The following RASGRP3 variants were observed in gnomAD, a reference collection of about 807,000 sequenced individuals.
The protein encoded by RASGRP3 is ras guanyl-releasing protein 3.
A neutral mutation model predicts 82.7 loss-of-function variants in RASGRP3; 54 were observed. The observed-to-expected ratio is 0.65, with a 90% CI of 0.52 to 0.82. RASGRP3 has a LOEUF of 0.82. RASGRP3 is among the 40% of genes least tolerant of loss of function. RASGRP3 has a pLI of 0.00. For missense variants in RASGRP3, 861 were observed against 828.9 expected (o/e 1.04, Z -0.48); for synonymous variants, 309 against 300.5 (o/e 1.03, Z -0.29).
chr2:33,484,972 G>GCA (rs1668246938), intron 1 of RASGRP3, among the ~76,000 whole-genome samples: 2 of 152,186 alleles, frequency 1.3e-5, no homozygotes, highest in African/African-American at 4.8e-5. Context: ...GCTGAGGCAG[G>GCA]TGGATCACCT....
intron 2 of RASGRP3, among the ~76,000 whole-genome samples, chr2:33,463,445 G>A (rs1181144689): frequency 6.6e-6 from 1 of 152,138 alleles, no homozygotes; most frequent in Non-Finnish European, 1.5e-5. Flanking sequence ...AAAGAGAACT[G>A]AAAGGGGAAG....
Position 33,492,446 on chromosome 2 carries a change from T to C in RASGRP3, c.-261+15739T>C, listed in dbSNP as rs989515666. ...CAGTCCTTGGTTGAGAGCCTAGATG[T>C]GGACTGAATTTTGTACCCCCCAGCA... On this transcript the variant is annotated intron_variant, in intron 1 of 17. Transcript: ENST00000403687. Among the ~76,000 whole-genome samples the C allele has an allele frequency of 3.3e-5, 5 of 152,178 alleles. No homozygotes were observed. The East Asian group carries it at 9.6e-4, about 29-fold the overall frequency.
intron 1 of RASGRP3, among the ~76,000 whole-genome samples, chr2:33,439,889 G>C (rs571649006): frequency 6.6e-6 from 1 of 152,324 alleles, no homozygotes; most frequent in East Asian, 1.9e-4. Flanking sequence ...GGCAGAACTT[G>C]CTGGGGGAGA....
chr2:33,512,726 T>C (rs76555151), intron 2 of RASGRP3, among the ~76,000 whole-genome samples: 1 of 152,348 alleles, frequency 6.6e-6, no homozygotes, highest in African/African-American at 2.4e-5. Flanking sequence ...TTTCATGATA[T>C]TCATTTCCTC....
chr2:33,465,568 A>T (rs1010499376), intron 2 of RASGRP3, among the ~76,000 whole-genome samples: 1 of 152,228 alleles, frequency 6.6e-6, no homozygotes, highest in Non-Finnish European at 1.5e-5. Flanking sequence ...ACAAAATGAA[A>T]TCTTAAGTGC....
intron 1 of RASGRP3, among the ~76,000 whole-genome samples, chr2:33,439,189 A>G (rs933553946): frequency 6.6e-6 from 1 of 152,240 alleles, no homozygotes; most frequent in African/African-American, 2.4e-5. Context: ...CTAACTTACA[A>G]TATAATCTCT....
intron 2 of RASGRP3, among the ~76,000 whole-genome samples, chr2:33,462,594 T>C (rs1666441571): frequency 1.3e-5 from 2 of 152,072 alleles, no homozygotes; most frequent in Admixed American, 1.3e-4. Context: ...GTCAGGCTGG[T>C]TTCAAACTCC....
chr2:33,536,443 C>G (rs1035146402), intron 11 of RASGRP3, among the ~76,000 whole-genome samples: 1 of 151,912 alleles, frequency 6.6e-6, no homozygotes, highest in Non-Finnish European at 1.5e-5. Context: ...TCAGGCCTGT[C>G]TTCCATCCCA....
chr2:33,494,457 A>G (rs887770041), intron 1 of RASGRP3, among the ~76,000 whole-genome samples: 1 of 152,250 alleles, frequency 6.6e-6, no homozygotes, highest in Non-Finnish European at 1.5e-5. Context: ...TCTAAGGGCT[A>G]GAAATTATCC....
At chr2:33,533,266 GTGT>G (rs1020221393) in intron 10 of RASGRP3, 4 of 152,160 alleles carry the variant, frequency 2.6e-5, no homozygotes, top group Non-Finnish European at 5.9e-5. Context: ...GCCTGGATCT[GTGT>G]TGTTGTCCTT....
At chr2:33,534,081 C>T (rs945763064) in intron 10 of RASGRP3, 3 of 506,908 alleles carry the variant, frequency 5.9e-6, no homozygotes, top group African/African-American at 3.8e-5. Flanking sequence ...CTGGGAGCTG[C>T]TCAGTAAATA....
intron 13 of RASGRP3, among the ~76,000 whole-genome samples, chr2:33,548,136 C>T (rs1280724556): frequency 2.0e-5 from 3 of 151,814 alleles, no homozygotes; most frequent in African/African-American, 7.3e-5. Flanking sequence ...CCGAGGCGGG[C>T]GGATCACAAG....
intron 9 of RASGRP3, among the ~76,000 whole-genome samples, chr2:33,525,454 A>G (rs574287295): frequency 1.1e-4 from 17 of 152,132 alleles, no homozygotes; most frequent in Non-Finnish European, 2.5e-4. Flanking sequence ...GGAGCATTTC[A>G]TCCTTATGAA....
At position 33,487,002 on chromosome 2, in the gene RASGRP3, C is replaced by A. The variant is rs78474189; in HGVS notation, c.-261+10295C>A. Among the ~76,000 whole-genome samples, 75 of 152,190 alleles carry A rather than the reference C, an allele frequency of 4.9e-4. 1 individual carries two copies. In the East Asian group the frequency reaches 0.011, roughly 22 times the overall value. On this transcript the variant is annotated intron_variant, in intron 1 of 17. Coordinates refer to ENST00000403687, the MANE Select transcript of RASGRP3 (RefSeq NM_001139488.2). ...GACAAAATAAATGATAATTAACCCCCATTTATTATCTAACTTTAACAATTT... is the reference window on the plus strand; with the variant it reads ...GACAAAATAAATGATAATTAACCCCAATTTATTATCTAACTTTAACAATTT...
At chr2:33,509,892 T>C (rs930040339) in intron 1 of RASGRP3, among the ~76,000 whole-genome samples, 56 of 152,346 alleles carry the variant, frequency 3.7e-4, no homozygotes, top group African/African-American at 1.1e-3. Flanking sequence ...TATTATTTCA[T>C]TTACTAACCT....
In RASGRP3 at chr2:33,563,090, G is replaced by A. The variant is rs932336053; in HGVS notation, c.*353G>A. Reference sequence around the variant, plus strand: ...TACTCAGTCTGTAAACTCAGACTTCGCTTTTTTTGTGAGACTATCCTTTCA... The same window carrying A: ...TACTCAGTCTGTAAACTCAGACTTCACTTTTTTTGTGAGACTATCCTTTCA... On this transcript the variant is annotated 3_prime_UTR_variant, in exon 18 of 18. Transcript: ENST00000403687. 3.7e-6 allele frequency: 1 copy of A among 266,696 alleles called. No individual in the cohort carries two copies. Among genetic ancestry groups the A allele is most frequent in the Non-Finnish European group, 7.0e-6 (1 of 143,196 alleles). The allele number at this position is 266,696 out of a possible 1,614,324, so 16.5% of individuals were successfully genotyped here.
At chr2:33,452,656 C>T (rs1258613216) in intron 2 of RASGRP3, among the ~76,000 whole-genome samples, 21 of 152,264 alleles carry the variant, frequency 1.4e-4, no homozygotes, top group Middle Eastern at 3.4e-3. Flanking sequence ...CTAGGATGGG[C>T]CTGGAGCCTG....
chr2:33,557,437 C>A (rs182817853), intron 15 of RASGRP3, among the ~76,000 whole-genome samples: 3 of 152,198 alleles, frequency 2.0e-5, no homozygotes, highest in Non-Finnish European at 4.4e-5. Context: ...AGGCCGGGCA[C>A]GGTGGCTCAC....
chr2:33,502,695 A>G (rs1225358143), intron 1 of RASGRP3, among the ~76,000 whole-genome samples: 1 of 151,824 alleles, frequency 6.6e-6, no homozygotes, highest in East Asian at 1.9e-4. Flanking sequence ...TTGTATTTTT[A>G]TTAGAGACAG....
Sources: gnomAD v4.1 joint callset for allele counts (sites outside exome capture counted in the v4.1 genomes callset) on GRCh38, gnomAD v4.1.1 for gene constraint, MANE v1.5 for transcripts, NCBI Gene and HGNC (gene_info 2026-07-23, HGNC 2026-07-21) for gene names.